The following GPI variants were observed in gnomAD, a reference collection of about 807,000 sequenced individuals.
GPI encodes the protein D-hexose-6-phosphate anomerase.
Under a neutral mutation model 75.8 loss-of-function variants are expected in GPI, and 56 were observed. That is an observed-to-expected ratio of 0.74 (90% CI 0.60 to 0.92). The LOEUF (loss-of-function observed/expected upper bound fraction) is 0.92. Ranked by LOEUF, GPI falls within the 40% of genes least tolerant of loss-of-function variation. GPI has a pLI of 0.00. For synonymous variants in GPI, 288 were observed against 285.4 expected (o/e 1.01, Z -0.09); for missense variants, 638 against 741.0 (o/e 0.86, Z 1.61).
chr19:34,381,066 G>A (rs1438774231), intron 8 of GPI: 1 of 337,904 alleles, frequency 3.0e-6, no homozygotes, highest in Non-Finnish European at 5.8e-6. Flanking sequence ...GGCCTGGTAG[G>A]TGGCCCCTGC....
chr19:34,373,388 CAA>C (rs756488685), intron 4 of GPI, among the ~76,000 whole-genome samples: 10 of 112,686 alleles, frequency 8.9e-5, no homozygotes, highest in African/African-American at 9.8e-5. Flanking sequence ...GACTCTGTCT[CAA>C]AAAAAAAAAA....
At position 34,377,550 on chromosome 19, in the gene GPI, G is replaced by T. The variant is rs531610596; in HGVS notation, c.450G>T (p.Thr150=). ...AGGGGTACACAGGCAAGACCATCAC[G>T]GACGTCATCAACATTGGCATTGGCG... ...DWKGYTGKTI[T]DVINIGIGGS... Residue 150 remains threonine (T), a synonymous_variant, in exon 5 of 18, where the codon ACG becomes ACT. Transcript: ENST00000356487. 3 of 1,613,234 alleles carry T rather than the reference G, an allele frequency of 1.9e-6. No individual in the cohort carries two copies. Among genetic ancestry groups the T allele is most frequent in the Non-Finnish European group, 2.5e-6 (3 of 1,179,772 alleles).
chr19:34,365,961 T>C (rs1411014312), intron 1 of GPI: 2 of 501,348 alleles, frequency 4.0e-6, no homozygotes, highest in African/African-American at 3.9e-5. Flanking sequence ...TCACTGATAC[T>C]GGTGGAGGCG....
rs2074404614 is a variant in GPI, at chr19:34,368,691, T to A, written c.391T>A (p.Ser131Thr). 1 of 1,614,150 alleles carries A rather than the reference T, an allele frequency of 6.2e-7. No individual in the cohort carries two copies. The highest frequency in any genetic ancestry group is 8.5e-7 in the Non-Finnish European group (1 of 1,180,030). Residue 131 changes from serine (S) to threonine (T), a missense_variant, in exon 4 of 18, where the codon TCT becomes ACT. Ser to Thr is a moderately conservative substitution (Grantham distance 58). Coordinates refer to ENST00000356487, the MANE Select transcript of GPI (RefSeq NM_000175.5). Reference protein sequence around the residue: ...EVNKVLDKMKSFCQRVRSGDW... With the variant: ...EVNKVLDKMKTFCQRVRSGDW... ...CAACAAGGTTCTGGACAAGATGAAGTCTTTCTGCCAGGTAAGTGGCTACTG... is the reference window on the plus strand; with the variant it reads ...CAACAAGGTTCTGGACAAGATGAAGACTTTCTGCCAGGTAAGTGGCTACTG...
intron 12 of GPI, 77 bp downstream of exon 12, chr19:34,394,143 G>C: frequency 9.1e-7 from 1 of 1,094,106 alleles, no homozygotes; most frequent in South Asian, 1.3e-5. Context: ...CTGGGTTTCA[G>C]CTCCTCCAGG....
At position 34,366,419 on chromosome 19, in the gene GPI, G is replaced by C; in HGVS notation, c.197G>C (p.Arg66Pro). The C allele has an allele frequency of 6.2e-7, 1 of 1,610,938 alleles. No homozygotes were observed. Among genetic ancestry groups the C allele is most frequent in the African/African-American group, 1.3e-5 (1 of 74,970 alleles). ...AACCTGGTGACGGAGGACGTGATGC[G>C]GATGCTGGTGGACTTGGTAATGTTC... ...SKNLVTEDVMRMLVDLAKSRG... is the reference protein window; with the variant it reads ...SKNLVTEDVMPMLVDLAKSRG... The change falls in exon 2 of 18, where the codon CGG becomes CCG. Residue 66 changes from arginine (R) to proline (P), a missense_variant. Physicochemically the swap from Arg to Pro is moderately radical, Grantham distance 103. Coordinates refer to ENST00000356487, the MANE Select transcript of GPI (RefSeq NM_000175.5).
chr19:34,391,269 C>G (rs1442192286), intron 9 of GPI, among the ~76,000 whole-genome samples: 1 of 141,118 alleles, frequency 7.1e-6, no homozygotes, highest in Non-Finnish European at 1.5e-5. Flanking sequence ...GTATGAGGAT[C>G]TGGGTCTGTC....
rs1375897973 is a variant in GPI, at chr19:34,368,673, G to A, written c.373G>A (p.Val125Ile). 1 of 1,614,082 alleles carries A rather than the reference G, an allele frequency of 6.2e-7. No homozygotes were observed. The highest frequency in any genetic ancestry group is 1.7e-5 in the Admixed American group (1 of 60,006). ...GKDVMPEVNK[V>I]LDKMKSFCQR... Reference sequence around the variant, plus strand: ...GGATGTGATGCCAGAGGTCAACAAGGTTCTGGACAAGATGAAGTCTTTCTG... The same window carrying A: ...GGATGTGATGCCAGAGGTCAACAAGATTCTGGACAAGATGAAGTCTTTCTG... Residue 125 changes from valine (V) to isoleucine (I), a missense_variant, in exon 4 of 18, where the codon GTT becomes ATT. Val to Ile is a conservative substitution (Grantham distance 29). Coordinates refer to ENST00000356487, the MANE Select transcript of GPI (RefSeq NM_000175.5).
At chr19:34,384,434 G>A (rs900678878) in intron 9 of GPI, among the ~76,000 whole-genome samples, 1 of 152,206 alleles carries the variant, frequency 6.6e-6, no homozygotes, top group African/African-American at 2.4e-5. Context: ...AGACCGAGAA[G>A]CTGTGTTAAG....
At chr19:34,370,950 T>A (rs2074442918) in intron 4 of GPI, among the ~76,000 whole-genome samples, 1 of 152,332 alleles carries the variant, frequency 6.6e-6, no homozygotes. Context: ...GATGGGAATC[T>A]GGATTTCCTG....
At position 34,401,049 on chromosome 19, in the gene GPI, CTT is replaced by C. The variant is rs1259828098; in HGVS notation, c.*1026_*1027del. On this transcript the variant is annotated 3_prime_UTR_variant, in exon 18 of 18. Transcript: ENST00000356487. ...CCCATTTTTTTTTTTTTTTTGACAACTTTTTTTTTTTTTTGAGACAGGGTCTT... is the reference window on the plus strand; with the variant it reads ...CCCATTTTTTTTTTTTTTTTGACAACTTTTTTTTTTTTGAGACAGGGTCTT... 1.0e-4 allele frequency: 12 copies of C among 120,108 alleles called. No homozygotes were observed. Among genetic ancestry groups the C allele is most frequent in the Non-Finnish European group, 1.4e-4 (8 of 57,442 alleles). The allele number at this position is 120,108 out of a possible 1,614,324, so 7.4% of individuals were successfully genotyped here.
intron 9 of GPI, chr19:34,392,609 G>T (rs1467458608): frequency 6.3e-5 from 1 of 15,878 alleles, no homozygotes; most frequent in Admixed American, 3.9e-4. Flanking sequence ...TCTCATACAG[G>T]TATGAGGATC....
intron 1 of GPI, chr19:34,366,025 C>T (rs980740978): frequency 1.7e-6 from 1 of 589,514 alleles, no homozygotes; most frequent in Non-Finnish European, 3.2e-6. Context: ...CCATCCCTGT[C>T]ATCTGGATGG....
Position 34,381,288 on chromosome 19 carries a change from G to A in GPI, c.751-178G>A, listed in dbSNP as rs534325592. 2.9e-5 allele frequency: 20 copies of A among 682,166 alleles called. 1 individual carries two copies. The East Asian group carries it at 5.4e-4, about 18-fold the overall frequency. 42.3% of individuals were successfully genotyped at this position (682,166 alleles called of 1,614,324 possible). A position where few individuals can be genotyped will look rare whatever the true frequency, so the allele number is the denominator to read the frequency against. On this transcript the variant is annotated intron_variant, in intron 8 of 17. Transcript: ENST00000356487. ...CTGATCTGGTGTCCAGCTTGGGGTG[G>A]GCAGATCCTGGGCCCTGCCCTCGAC... is the stretch of plus-strand genomic sequence containing the variant.
chr19:34,360,149 T>C (rs569060556), upstream of GPI, among the ~76,000 whole-genome samples: 2 of 152,214 alleles, frequency 1.3e-5, no homozygotes, highest in East Asian at 1.9e-4. Context: ...TCGATTCTCC[T>C]TGGTCAGTCC....
At chr19:34,380,184 C>T (rs576893531) in intron 8 of GPI, among the ~76,000 whole-genome samples, 2 of 151,656 alleles carry the variant, frequency 1.3e-5, no homozygotes, top group South Asian at 2.1e-4. Context: ...TTAGTAGAGA[C>T]GGGGTTTCAC....
rs1040222589 is a variant in GPI, at chr19:34,401,676, T to C, written c.*1640T>C. ...TTTTTTCTTAGAGACAGGGTCTTTG[T>C]TGCCCAGGCTGGACTGCAGTGATAC... On this transcript the variant is annotated 3_prime_UTR_variant, in exon 18 of 18. Transcript: ENST00000356487. 1 of 152,100 alleles carries C rather than the reference T, an allele frequency of 6.6e-6. No individual in the cohort carries two copies. Among genetic ancestry groups the C allele is most frequent in the African/African-American group, 2.4e-5 (1 of 41,414 alleles). 9.4% of individuals were successfully genotyped at this position (152,100 alleles called of 1,614,324 possible). A position where few individuals can be genotyped will look rare whatever the true frequency, so the allele number is the denominator to read the frequency against.
At position 34,399,219 on chromosome 19, in the gene GPI, A is replaced by G. The variant is rs765886038; in HGVS notation, c.1282A>G (p.Asn428Asp). Residue 428 changes from asparagine to aspartate, a missense_variant, in exon 15 of 18, where the codon AAC becomes GAC. Transcript: ENST00000356487. The part of the protein sequence containing the change: ...KGLHHKILLA[N>D]FLAQTEALMR... ...TCTCGCTCATCAGATCCTCCTGGCCAACTTCTTGGCCCAGACAGAGGCCCT... is the reference window on the plus strand; with the variant it reads ...TCTCGCTCATCAGATCCTCCTGGCCGACTTCTTGGCCCAGACAGAGGCCCT... 2 of 1,613,332 alleles carry G rather than the reference A, an allele frequency of 1.2e-6. No homozygotes were observed. The highest frequency in any genetic ancestry group is 2.2e-5 in the South Asian group (2 of 91,032).
At chr19:34,396,260 C>G (rs1159793884) in intron 12 of GPI, 41 bp from the exon 13 acceptor site, 4 of 1,612,224 alleles carry the variant, frequency 2.5e-6, no homozygotes, top group Non-Finnish European at 3.4e-6. Flanking sequence ...TTTAAATGTT[C>G]TTTCATTTTG....
Sources: gnomAD v4.1 joint callset for allele counts (sites outside exome capture counted in the v4.1 genomes callset) on GRCh38, gnomAD v4.1.1 for gene constraint, MANE v1.5 for transcripts, NCBI Gene and HGNC (gene_info 2026-07-23, HGNC 2026-07-21) for gene names.